The following TLN2 variants were observed in gnomAD, a reference collection of about 807,000 sequenced individuals.
The protein encoded by TLN2 is talin-2.
A neutral mutation model predicts 294.7 loss-of-function variants in TLN2; 118 were observed. The ratio of observed to expected loss-of-function variants is 0.40; its 90% confidence interval spans 0.34 to 0.47. The LOEUF (loss-of-function observed/expected upper bound fraction) is 0.47. Among genes scored for constraint, TLN2 ranks in the 20% least tolerant of loss-of-function variants. The pLI is 0.84. For synonymous variants in TLN2, 1,431 were observed against 1,304.5 expected (o/e 1.10, Z -2.09); for missense variants, 3,083 against 3,282.2 (o/e 0.94, Z 1.48).
chr15:62,798,425 G>C (rs200788650), intron 48 of TLN2, among the ~76,000 whole-genome samples: 2 of 152,056 alleles, frequency 1.3e-5, no homozygotes, highest in East Asian at 3.8e-4. Context: ...CACAGCTCTT[G>C]GCACATAGTG....
chr15:62,613,327 AATT>A (rs2048064557), intron 2 of TLN2, among the ~76,000 whole-genome samples: 1 of 152,156 alleles, frequency 6.6e-6, no homozygotes, highest in Non-Finnish European at 1.5e-5. Context: ...ACACCTTTGT[AATT>A]ATTTAGAATG....
At chr15:62,662,707 G>A (rs2053998776) in intron 9 of TLN2, among the ~76,000 whole-genome samples, 1 of 151,366 alleles carries the variant, frequency 6.6e-6, no homozygotes, top group Non-Finnish European at 1.5e-5. Flanking sequence ...AGTGCGGAAA[G>A]AAAGATGATA....
At chr15:62,459,299 C>CTTTTT (rs35344244) in intron 1 of TLN2, among the ~76,000 whole-genome samples, 1 of 130,514 alleles carries the variant, frequency 7.7e-6, no homozygotes, top group African/African-American at 2.9e-5. Context: ...CACGCTCGGC[C>CTTTTT]TTTTTTTTTT....
At chr15:62,504,846 T>TGA (rs56056575) in intron 1 of TLN2, among the ~76,000 whole-genome samples, 341 of 144,434 alleles carry the variant, frequency 2.4e-3, no homozygotes, top group East Asian at 5.0e-3. Context: ...TGTGTGTGTG[T>TGA]GAGAGAGAGA....
At chr15:62,748,231 C>A (rs961776508) in intron 32 of TLN2, 120 bp from the exon 33 acceptor site, 3 of 743,900 alleles carry the variant, frequency 4.0e-6, no homozygotes, top group Non-Finnish European at 6.7e-6. Context: ...CAGAAGAGTT[C>A]TCCTGGGGAC....
chr15:62,734,435 A>G (rs2060896388), intron 28 of TLN2, among the ~76,000 whole-genome samples: 1 of 152,194 alleles, frequency 6.6e-6, no homozygotes, highest in African/African-American at 2.4e-5. Flanking sequence ...GCAGCAGTCT[A>G]GACCACACAA....
intron 32 of TLN2, 73 bp from the exon 33 acceptor site, chr15:62,748,278 A>C: frequency 9.0e-7 from 1 of 1,106,796 alleles, no homozygotes; most frequent in Non-Finnish European, 1.3e-6. Context: ...ATTTCTGGTG[A>C]GCCTGCAAAG....
rs149088308 is a variant in TLN2, at chr15:62,752,488, G to A, written c.4332+61G>A. On this transcript the variant is annotated intron_variant, in intron 35 of 58. Coordinates refer to ENST00000636159, the MANE Select transcript of TLN2 (RefSeq NM_015059.3). ...TGCCAGATCCCTGTGGGAGGTGTGG[G>A]GGAACTCCAGCTGCACCTCTTTCTC... 1,172 of 1,583,324 alleles carry A rather than the reference G, an allele frequency of 7.4e-4. 4 individuals carry two copies. In the African/African-American group the frequency reaches 0.014, roughly 19 times the overall value.
At chr15:62,402,105 G>A (rs890348112) in intron 1 of TLN2, among the ~76,000 whole-genome samples, 7 of 152,176 alleles carry the variant, frequency 4.6e-5, no homozygotes, top group Admixed American at 1.3e-4. Flanking sequence ...TATAGCTTAT[G>A]TGATGACCCA....
intron 3 of TLN2, among the ~76,000 whole-genome samples, chr15:62,636,818 C>T (rs765397950): frequency 1.3e-5 from 2 of 152,202 alleles, no homozygotes; most frequent in Non-Finnish European, 2.9e-5. Flanking sequence ...GGGGGCCACA[C>T]TATCTCACAA....
intron 22 of TLN2, among the ~76,000 whole-genome samples, chr15:62,715,865 C>T (rs1239102439): frequency 6.6e-6 from 1 of 152,322 alleles, no homozygotes; most frequent in South Asian, 2.1e-4. Flanking sequence ...CCTTCCCCCT[C>T]TTCCCTCTGT....
At chr15:62,664,193 C>G (rs2054249123) in intron 9 of TLN2, among the ~76,000 whole-genome samples, 1 of 149,464 alleles carries the variant, frequency 6.7e-6, no homozygotes. Context: ...AATGCATACT[C>G]CAAGATCAGA....
intron 1 of TLN2, among the ~76,000 whole-genome samples, chr15:62,511,683 C>T (rs1233854913): frequency 3.3e-5 from 5 of 151,168 alleles, no homozygotes; most frequent in Non-Finnish European, 7.4e-5. Flanking sequence ...ATGGAGTTCA[C>T]CCCTGAATTT....
At position 62,719,874 on chromosome 15, in the gene TLN2, C is replaced by G; in HGVS notation, c.2985C>G (p.Phe995Leu). Residue 995 changes from phenylalanine to leucine, a missense_variant, in exon 25 of 59, where the codon TTC becomes TTG. Physicochemically the swap from Phe to Leu is conservative, Grantham distance 22 (BLOSUM62 0). Coordinates refer to ENST00000636159, the MANE Select transcript of TLN2 (RefSeq NM_015059.3). ...CTCTCATCATCTCCAGCCAGAACTT[C>G]CTCCAGGTAACAGGGCTGTGGTCAC... ...QLALIISSQN[F>L]LQPGSKMVSS... 6.2e-7 allele frequency: 1 copy of G among 1,608,452 alleles called. No individual in the cohort carries two copies. The highest frequency in any genetic ancestry group is 8.5e-7 in the Non-Finnish European group (1 of 1,177,292).
intron 20 of TLN2, 125 bp from the exon 21 acceptor site, chr15:62,708,377 C>T: frequency 1.1e-6 from 1 of 911,316 alleles, no homozygotes; most frequent in Non-Finnish European, 1.7e-6. Flanking sequence ...AGAAACCGAG[C>T]AGTGGTCCTG....
intron 28 of TLN2, among the ~76,000 whole-genome samples, chr15:62,735,124 C>G (rs1595829420): frequency 6.6e-6 from 1 of 152,238 alleles, no homozygotes; most frequent in Non-Finnish European, 1.5e-5. Context: ...GTGAGGAAAG[C>G]TCAGATCTAG....
intron 37 of TLN2, among the ~76,000 whole-genome samples, chr15:62,759,439 CA>C (rs2062521929): frequency 6.6e-6 from 1 of 152,092 alleles, no homozygotes; most frequent in African/African-American, 2.4e-5. Flanking sequence ...CCCAAACAAA[CA>C]AACAAACAAA....
intron 1 of TLN2, among the ~76,000 whole-genome samples, chr15:62,447,290 G>T (rs1158419298): frequency 6.6e-6 from 1 of 152,034 alleles, no homozygotes; most frequent in Non-Finnish European, 1.5e-5. Context: ...CGACCTGGAT[G>T]GCCAAGGAAA....
At chr15:62,756,754 T>G (rs1302799768) in intron 37 of TLN2, among the ~76,000 whole-genome samples, 3 of 152,030 alleles carry the variant, frequency 2.0e-5, no homozygotes, top group Non-Finnish European at 1.5e-5. Flanking sequence ...CCAGTGCAAT[T>G]GCATGCAGAA....
Sources: gnomAD v4.1 joint callset for allele counts (sites outside exome capture counted in the v4.1 genomes callset) on GRCh38, gnomAD v4.1.1 for gene constraint, MANE v1.5 for transcripts, NCBI Gene and HGNC (gene_info 2026-07-23, HGNC 2026-07-21) for gene names.